CCDC73: variants seen among roughly 807,000 people sequenced by gnomAD.
CCDC73 encodes the protein coiled-coil domain containing 73, also known as coiled-coil domain-containing protein 73.
In CCDC73, 95 loss-of-function variants were observed where a neutral mutation model predicts 116.5. The observed-to-expected ratio is 0.82, with a 90% CI of 0.69 to 0.97. The LOEUF is 0.97. CCDC73 is among the 50% of genes least tolerant of loss of function. The probability of loss-of-function intolerance (pLI) is 0.00; values close to 1 mark genes in which losing one functional copy is unlikely to be tolerated. For synonymous variants in CCDC73, 398 were observed against 401.3 expected, an observed-to-expected ratio of 0.99 and a Z score of 0.10; for missense variants, 1,066 against 1,206.8, an observed-to-expected ratio of 0.88 and a Z score of 1.73.
At chr11:32,816,439 A>G in the CCDC73 span, among the ~76,000 whole-genome samples, 1 of 152,190 alleles carries the variant, frequency 6.6e-6, no homozygotes, top group African/African-American at 2.4e-5. Flanking sequence ...AGTAATTTTT[A>G]TATTTTCCAC....
chr11:32,614,870 T>G lies in CCDC73; in HGVS notation c.1448A>C (p.Glu483Ala). Residue 483 changes from glutamate (E) to alanine (A), a missense_variant, in exon 16 of 18, where the codon GAA (glutamate) becomes GCA (alanine). Coordinates refer to ENST00000335185, the MANE Select transcript of CCDC73 (RefSeq NM_001008391.4). The stretch of plus-strand genomic sequence containing the variant: ...GGAGAGGGTTTTGCTTAAGGAGATT[T>G]CACTTTGATTTTCATCCTGAGAAAC... ...TVVSQDENQS[E>A]ISLSKTLSLD... 6 of 1,612,360 alleles carry G rather than the reference T, an allele frequency of 3.7e-6. No homozygotes were observed. The highest frequency in any genetic ancestry group is 5.1e-6 in the Non-Finnish European group (6 of 1,179,362).
At chr11:32,744,093 G>T (rs984212082) in intron 2 of CCDC73, among the ~76,000 whole-genome samples, 1 of 152,030 alleles carries the variant, frequency 6.6e-6, no homozygotes, top group African/African-American at 2.4e-5. Flanking sequence ...TCGATACCTA[G>T]TTTATTAAGA....
chr11:32,667,697 G>A (rs1315626993), intron 9 of CCDC73, among the ~76,000 whole-genome samples: 2 of 152,178 alleles, frequency 1.3e-5, no homozygotes, highest in African/African-American at 4.8e-5. Context: ...AAGCCCCAAT[G>A]AGATGAACCT....
chr11:32,742,941 G>T (rs1850201467), intron 2 of CCDC73, among the ~76,000 whole-genome samples: 1 of 152,168 alleles, frequency 6.6e-6, no homozygotes, highest in Non-Finnish European at 1.5e-5. Context: ...ATGTGTGTCA[G>T]GTTTGTCAAA....
At position 32,660,337 on chromosome 11, in the gene CCDC73, CAGAGA is replaced by C. The variant is rs969301812; in HGVS notation, c.646-5370_646-5366del. 3.3e-5 allele frequency among the ~76,000 whole-genome samples: 5 copies of C among 149,976 alleles called. No homozygotes were observed. In the Admixed American group the frequency reaches 3.3e-4, roughly 10 times the overall value. On this transcript the variant is annotated intron_variant, in intron 9 of 17. Coordinates refer to ENST00000335185, the MANE Select transcript of CCDC73 (RefSeq NM_001008391.4). ...CATGGTACCCCTCCAGGGCTGCTAA[CAGAGA>C]AGAGAAGCCAACAGGTATAGCTCCA...
chr11:32,766,773 G>C (rs1461625047), intron 1 of CCDC73, among the ~76,000 whole-genome samples: 1 of 152,028 alleles, frequency 6.6e-6, no homozygotes, highest in Non-Finnish European at 1.5e-5. Context: ...GGGACATGAA[G>C]GACCTCTTCA....
intron 12 of CCDC73, among the ~76,000 whole-genome samples, chr11:32,651,162 T>A (rs539794780): frequency 1.3e-5 from 2 of 152,032 alleles, no homozygotes; most frequent in Non-Finnish European, 2.9e-5. Flanking sequence ...GAAGAGAATC[T>A]TCCCTTCCCA....
At chr11:32,644,814 G>A (rs1409004687) in intron 12 of CCDC73, among the ~76,000 whole-genome samples, 1 of 152,066 alleles carries the variant, frequency 6.6e-6, no homozygotes, top group Non-Finnish European at 1.5e-5. Context: ...TGTGGCTTTT[G>A]TAGAATGCCC....
chr11:32,627,147 C>A (rs960886581), intron 14 of CCDC73, among the ~76,000 whole-genome samples: 47 of 152,150 alleles, frequency 3.1e-4, no homozygotes, highest in African/African-American at 9.9e-4. Flanking sequence ...ACCCCATCAA[C>A]AAGTGGGCGA....
In CCDC73 at chr11:32,658,137, C is replaced by G. The variant is rs115403420; in HGVS notation, c.646-3165G>C. Reference sequence around the variant, plus strand: ...CAGCATCTGCTTCATTCCCTTATCTCTTCAGGTACAGGTGTGCTAATCATT... The same window carrying G: ...CAGCATCTGCTTCATTCCCTTATCTGTTCAGGTACAGGTGTGCTAATCATT... On this transcript the variant is annotated intron_variant, in intron 9 of 17. Transcript: ENST00000335185. Among the ~76,000 whole-genome samples, 1,086 of 152,256 alleles carry G rather than the reference C, an allele frequency of 7.1e-3. 15 individuals carry two copies. The highest frequency in any genetic ancestry group is 0.025 in the African/African-American group (1,047 of 41,540).
intron 9 of CCDC73, among the ~76,000 whole-genome samples, chr11:32,662,246 T>C (rs919272932): frequency 3.3e-5 from 5 of 152,232 alleles, no homozygotes; most frequent in African/African-American, 9.6e-5. Context: ...TCTAGATCCT[T>C]AAGGAATCGC....
chr11:32,767,348 G>C (rs1376655115), intron 1 of CCDC73, among the ~76,000 whole-genome samples: 1 of 152,152 alleles, frequency 6.6e-6, no homozygotes. Context: ...GTAAATGTTA[G>C]ACCTAAAACC....
chr11:32,800,569 G>A, the CCDC73 span, among the ~76,000 whole-genome samples: 1 of 152,106 alleles, frequency 6.6e-6, no homozygotes, highest in African/African-American at 2.4e-5. Flanking sequence ...CTCAACATAT[G>A]TATAAAATTT....
rs147283959 is a variant in CCDC73 at position 32,703,050 on chromosome 11, A to G, written c.208-106T>C. On this transcript the variant is annotated intron_variant, in intron 3 of 17. Transcript: ENST00000335185. ...TTAAAGTCAACCATACCTTCTACAT[A>G]TATTATTTTGTGTTCCTGGAATGCA... 3 of 786,878 alleles carry G rather than the reference A, an allele frequency of 3.8e-6. No individual in the cohort carries two copies. The East Asian group carries it at 7.4e-5, about 19-fold the overall frequency. 48.7% of individuals were successfully genotyped at this position (786,878 alleles called of 1,614,324 possible). A position where few individuals can be genotyped will look rare whatever the true frequency, so the allele number is the denominator to read the frequency against.
chr11:32,734,061 T>C (rs142007695), intron 2 of CCDC73, among the ~76,000 whole-genome samples: 1,897 of 152,204 alleles, frequency 0.012, 147 homozygotes, highest in Admixed American at 0.12. Context: ...AAGAATCAAA[T>C]AGTCGCAATA....
chr11:32,683,105 C>T (rs1314447306), intron 7 of CCDC73: 1 of 181,752 alleles, frequency 5.5e-6, no homozygotes, highest in African/African-American at 2.4e-5. Context: ...TATCTCTAAT[C>T]AGAAATGCTG....
At chr11:32,699,455 A>G in intron 5 of CCDC73, 130 bp from the exon 6 acceptor site, 1 of 1,156,006 alleles carries the variant, frequency 8.7e-7, no homozygotes, top group Non-Finnish European at 1.1e-6. Flanking sequence ...ATAATAATAC[A>G]AAGGGTAAAA....
chr11:32,606,983 G>C (rs1489345312), intron 17 of CCDC73, among the ~76,000 whole-genome samples: 1 of 150,846 alleles, frequency 6.6e-6, no homozygotes, highest in African/African-American at 2.4e-5. Flanking sequence ...CACCATATTG[G>C]CCAGGCTGGT....
intron 14 of CCDC73, among the ~76,000 whole-genome samples, chr11:32,633,881 ATCC>A (rs939688064): frequency 6.6e-6 from 1 of 152,224 alleles, no homozygotes; most frequent in African/African-American, 2.4e-5. Context: ...AATGGTGAGA[ATCC>A]TCCCAAAATT....
Sources: gnomAD v4.1 joint callset for allele counts (sites outside exome capture counted in the v4.1 genomes callset) on GRCh38, gnomAD v4.1.1 for gene constraint, MANE v1.5 for transcripts, NCBI Gene and HGNC (gene_info 2026-07-23, HGNC 2026-07-21) for gene names.